AUTS2: variants seen among roughly 807,000 people sequenced by gnomAD.
AUTS2 encodes the protein autism susceptibility gene 2 protein.
Under a neutral mutation model 112.4 loss-of-function variants are expected in AUTS2, and 17 were observed. The ratio of observed to expected loss-of-function variants is 0.15; its 90% CI spans 0.10 to 0.23. The LOEUF is 0.23. Ranked by LOEUF, AUTS2 falls within the 10% of genes least tolerant of loss-of-function variation. The probability of loss-of-function intolerance (pLI) is 1.00; values close to 1 mark genes in which losing one functional copy is unlikely to be tolerated. For missense variants in AUTS2, 1,510 were observed against 1,701.6 expected (o/e 0.89, Z 1.98); for synonymous variants, 751 against 702.7 (o/e 1.07, Z -1.09).
rs774289362 is a variant in AUTS2 at position 70,261,362 on chromosome 7, A to C, written c.660+126791A>C. ...TGGCTACAGAGTTGCATGAGGGAAC[A>C]TTGTGGGTGATGGAAATGTTGTTTC... is the stretch of plus-strand genomic sequence containing the variant. On this transcript the variant is annotated intron_variant, in intron 4 of 18. Transcript: ENST00000342771. 4.9e-4 allele frequency among the ~76,000 whole-genome samples: 74 copies of C among 152,158 alleles called. 1 individual carries two copies. The highest frequency in any genetic ancestry group is 2.1e-3 in the Admixed American group (32 of 15,282).
chr7:70,109,410 C>T (rs1804951473), intron 2 of AUTS2, among the ~76,000 whole-genome samples: 1 of 152,186 alleles, frequency 6.6e-6, no homozygotes, highest in Non-Finnish European at 1.5e-5. Flanking sequence ...CATGGTTATA[C>T]TCAAGGAATG....
chr7:69,678,484 T>C (rs919403348), intron 1 of AUTS2, among the ~76,000 whole-genome samples: 2 of 152,224 alleles, frequency 1.3e-5, no homozygotes, highest in Non-Finnish European at 1.5e-5. Context: ...TTCTCTGATA[T>C]GATTTCTGTT....
At chr7:69,729,884 C>T (rs985463123) in intron 1 of AUTS2, among the ~76,000 whole-genome samples, 1 of 151,480 alleles carries the variant, frequency 6.6e-6, no homozygotes, top group Admixed American at 6.6e-5. Flanking sequence ...TTGTTCTTCC[C>T]CTTTATTTTT....
At chr7:70,387,627 G>A (rs1463759861) in intron 4 of AUTS2, among the ~76,000 whole-genome samples, 2 of 152,122 alleles carry the variant, frequency 1.3e-5, no homozygotes, top group African/African-American at 2.4e-5. Flanking sequence ...CTTTCCTAAT[G>A]TTGGCCATAA....
intron 1 of AUTS2, among the ~76,000 whole-genome samples, chr7:69,841,487 C>G (rs1791977999): frequency 6.6e-6 from 1 of 152,156 alleles, no homozygotes; most frequent in Non-Finnish European, 1.5e-5. Flanking sequence ...GATTACAATT[C>G]AACATCAGGT....
chr7:69,818,443 G>A (rs189764886), intron 1 of AUTS2, among the ~76,000 whole-genome samples: 67 of 152,300 alleles, frequency 4.4e-4, no homozygotes, highest in Admixed American at 6.5e-4. Flanking sequence ...GTACATGTCA[G>A]TTTATGAAGA....
intron 4 of AUTS2, among the ~76,000 whole-genome samples, chr7:70,238,452 G>T (rs1410955096): frequency 6.6e-6 from 1 of 152,134 alleles, no homozygotes; most frequent in Non-Finnish European, 1.5e-5. Flanking sequence ...ATCGTGGACT[G>T]CCTGCTCCCT....
chr7:70,707,683 G>A (rs1490480362), intron 6 of AUTS2, among the ~76,000 whole-genome samples: 1 of 152,138 alleles, frequency 6.6e-6, no homozygotes, highest in East Asian at 1.9e-4. Context: ...TCTCCAGGAT[G>A]TCAACCATTA....
At chr7:70,577,841 TA>T (rs1475337036) in intron 5 of AUTS2, among the ~76,000 whole-genome samples, 10 of 151,890 alleles carry the variant, frequency 6.6e-5, no homozygotes, top group South Asian at 2.1e-4. Context: ...ATTTTTTTTT[TA>T]TTTTTTGAGA....
intron 5 of AUTS2, among the ~76,000 whole-genome samples, chr7:70,523,542 G>C (rs1029414404): frequency 2.6e-5 from 4 of 152,178 alleles, no homozygotes; most frequent in African/African-American, 9.7e-5. Context: ...CCTCTCCCTA[G>C]GTGGAGCTGC....
intron 4 of AUTS2, among the ~76,000 whole-genome samples, chr7:70,213,361 T>TAAA (rs34904267): frequency 3.1e-5 from 3 of 97,424 alleles, no homozygotes; most frequent in Non-Finnish European, 4.3e-5. Context: ...ACCCCCTTTC[T>TAAA]AAAAAAAAAA....
At chr7:70,327,210 G>A (rs1243983362) in intron 4 of AUTS2, among the ~76,000 whole-genome samples, 4 of 152,208 alleles carry the variant, frequency 2.6e-5, no homozygotes, top group African/African-American at 7.2e-5. Context: ...AAGCCACCGC[G>A]CCCGGCCGCT....
At chr7:70,502,750 A>G (rs891121847) in intron 5 of AUTS2, among the ~76,000 whole-genome samples, 6 of 152,226 alleles carry the variant, frequency 3.9e-5, no homozygotes, top group Non-Finnish European at 7.3e-5. Context: ...TAAACATTAG[A>G]AAGTTCCCAT....
intron 5 of AUTS2, chr7:70,437,155 T>C (rs1450250581): frequency 6.6e-6 from 1 of 152,262 alleles, no homozygotes; most frequent in Non-Finnish European, 1.5e-5. Context: ...TAATGGGCTG[T>C]TGGATGACAG....
intron 15 of AUTS2, 51 bp downstream of exon 15, chr7:70,781,807 G>T: frequency 6.3e-7 from 1 of 1,586,490 alleles, no homozygotes; most frequent in Non-Finnish European, 8.6e-7. Context: ...TAGTTCTCAG[G>T]TAACTAAATA....
At chr7:70,471,149 A>G (rs774633475) in intron 5 of AUTS2, among the ~76,000 whole-genome samples, 1 of 152,210 alleles carries the variant, frequency 6.6e-6, no homozygotes, top group Admixed American at 6.5e-5. Context: ...TCTTGAAGAA[A>G]GAGGTTCCAA....
At chr7:70,134,205 T>A (rs1169989852) in intron 3 of AUTS2, among the ~76,000 whole-genome samples, 2 of 152,164 alleles carry the variant, frequency 1.3e-5, no homozygotes, top group Non-Finnish European at 2.9e-5. Flanking sequence ...GGAGGCAAGC[T>A]GATGCGTGTC....
At chr7:69,668,154 C>A (rs535226162) in intron 1 of AUTS2, among the ~76,000 whole-genome samples, 2 of 152,006 alleles carry the variant, frequency 1.3e-5, no homozygotes, top group Non-Finnish European at 2.9e-5. Flanking sequence ...CCAGATATTC[C>A]CTGTTGTTGG....
chr7:69,927,957 G>T (rs1288560207), intron 2 of AUTS2, among the ~76,000 whole-genome samples: 2 of 152,254 alleles, frequency 1.3e-5, no homozygotes, highest in African/African-American at 2.4e-5. Context: ...TGGTGGTGGG[G>T]TGTTATCCCA....
Sources: allele counts gnomAD v4.1 joint callset (sites outside exome capture counted in the v4.1 genomes callset), GRCh38; gene constraint gnomAD v4.1.1; transcripts MANE v1.5; gene names NCBI Gene and HGNC (gene_info 2026-07-23, HGNC 2026-07-21).